The following PRTG variants were observed in gnomAD, a reference collection of about 807,000 sequenced individuals.
PRTG encodes immunoglobulin superfamily, DCC subclass, member 5.
Under a neutral mutation model 122.5 loss-of-function variants are expected in PRTG, and 67 were observed. That is an observed-to-expected ratio of 0.55 (90% confidence interval 0.45 to 0.67). The LOEUF is 0.67. Among genes scored for constraint, PRTG ranks in the 30% least tolerant of loss-of-function variants. PRTG has a pLI of 0.00. For missense variants in PRTG, 1,435 were observed against 1,415.4 expected (o/e 1.01, Z -0.22); for synonymous variants, 554 against 501.1 (o/e 1.11, Z -1.41).
chr15:55,659,667 T>C (rs533368810), intron 11 of PRTG, among the ~76,000 whole-genome samples: 4 of 152,314 alleles, frequency 2.6e-5, no homozygotes, highest in Admixed American at 6.5e-5. Context: ...GGTTCACGCC[T>C]GTAATCCTAG....
At chr15:55,635,844 G>A (rs1055324719) in intron 15 of PRTG, among the ~76,000 whole-genome samples, 1 of 152,132 alleles carries the variant, frequency 6.6e-6, no homozygotes, top group Non-Finnish European at 1.5e-5. Context: ...GTACTGTACA[G>A]TGTATAGAAT....
intron 2 of PRTG, among the ~76,000 whole-genome samples, chr15:55,720,782 A>G (rs1417655595): frequency 6.6e-6 from 1 of 152,204 alleles, no homozygotes. Flanking sequence ...ACACGCTAAC[A>G]CTAATGATAG....
intron 13 of PRTG, among the ~76,000 whole-genome samples, chr15:55,639,040 T>G (rs1307528293): frequency 6.6e-6 from 1 of 152,160 alleles, no homozygotes; most frequent in Non-Finnish European, 1.5e-5. Flanking sequence ...AGTGGGATCA[T>G]AGCTCACTGC....
At chr15:55,637,815 C>G (rs921383270) in intron 14 of PRTG, among the ~76,000 whole-genome samples, 3 of 152,022 alleles carry the variant, frequency 2.0e-5, no homozygotes, top group Non-Finnish European at 4.4e-5. Context: ...ACAGGGCAGA[C>G]TTACATCTAA....
At position 55,678,054 on chromosome 15, in the gene PRTG, GA is replaced by G. The variant is rs759536800; in HGVS notation, c.1134-11del. On this transcript the variant is annotated splice_polypyrimidine_tract_variant and intron_variant, in intron 7 of 19. Coordinates refer to ENST00000389286, the MANE Select transcript of PRTG (RefSeq NM_173814.6). Reference sequence around the variant, plus strand: ...GTTAATTACCAATTTACTAGGGAAAGAAAAAAAATTATTTCCATGAAAAATT... The same window carrying G: ...GTTAATTACCAATTTACTAGGGAAAGAAAAAAATTATTTCCATGAAAAATT... 6.2e-5 allele frequency: 93 copies of G among 1,504,074 alleles called. No homozygotes were observed. Among genetic ancestry groups the G allele is most frequent in the Admixed American group, 1.1e-4 (6 of 53,488 alleles). The allele number at this position is 1,504,074 out of a possible 1,614,324, so 93.2% of individuals were successfully genotyped here. A position where few individuals can be genotyped will look rare whatever the true frequency, so the allele number is the denominator to read the frequency against.
intron 2 of PRTG, among the ~76,000 whole-genome samples, chr15:55,694,171 T>C (rs2059619889): frequency 1.3e-5 from 2 of 152,346 alleles, no homozygotes; most frequent in African/African-American, 2.4e-5. Flanking sequence ...TAAGTTCAGA[T>C]CTCCAGTGGC....
intron 2 of PRTG, among the ~76,000 whole-genome samples, chr15:55,713,532 C>T (rs1318387633): frequency 6.6e-6 from 1 of 152,182 alleles, no homozygotes; most frequent in African/African-American, 2.4e-5. Context: ...TGCCAAATTA[C>T]TCTCTAAAAT....
intron 2 of PRTG, among the ~76,000 whole-genome samples, chr15:55,711,334 C>A (rs142335734): frequency 1.2e-4 from 18 of 152,244 alleles, no homozygotes; most frequent in African/African-American, 4.1e-4. Flanking sequence ...CAAATATGTT[C>A]TTCTCCATCT....
intron 11 of PRTG, among the ~76,000 whole-genome samples, chr15:55,644,791 G>GA (rs2059311262): frequency 6.6e-6 from 1 of 151,958 alleles, no homozygotes; most frequent in Non-Finnish European, 1.5e-5. Flanking sequence ...CACACTCCCA[G>GA]AATAAATTCT....
intron 16 of PRTG, 26 bp from the exon 17 acceptor site, chr15:55,627,154 G>C: frequency 6.7e-7 from 1 of 1,491,468 alleles, no homozygotes; most frequent in Non-Finnish European, 9.1e-7. Context: ...CATTTACTCA[G>C]AATCAATCAG....
intron 2 of PRTG, 132 bp from the exon 3 acceptor site, chr15:55,684,063 G>A (rs1485394680): frequency 6.5e-6 from 4 of 613,322 alleles, no homozygotes; most frequent in Non-Finnish European, 1.0e-5. Context: ...TAACCAGCAT[G>A]AAGATAATTT....
chr15:55,688,956 C>T (rs2059585562), intron 2 of PRTG, among the ~76,000 whole-genome samples: 1 of 152,202 alleles, frequency 6.6e-6, no homozygotes, highest in South Asian at 2.1e-4. Context: ...AATTACTCAC[C>T]TAAGCTAGAG....
chr15:55,677,293 T>C (rs567756808), intron 8 of PRTG, among the ~76,000 whole-genome samples: 4 of 152,208 alleles, frequency 2.6e-5, no homozygotes, highest in Non-Finnish European at 5.9e-5. Flanking sequence ...GAGGGTTCTA[T>C]ATGATTTCAG....
chr15:55,634,062 G>A (rs1469620884), intron 15 of PRTG, among the ~76,000 whole-genome samples: 1 of 98,080 alleles, frequency 1.0e-5, no homozygotes, highest in Admixed American at 1.4e-4. Context: ...AATATACATT[G>A]CTTTTTTTTT....
At position 55,614,008 on chromosome 15, in the gene PRTG, T is replaced by C. The variant is rs1226026527; in HGVS notation, c.*6004A>G. The C allele has an allele frequency of 6.6e-6, 1 of 152,122 alleles. No homozygotes were observed. Among genetic ancestry groups the C allele is most frequent in the East Asian group, 1.9e-4 (1 of 5,198 alleles). The allele number at this position is 152,122 out of a possible 1,614,324, so 9.4% of individuals were successfully genotyped here. The stretch of plus-strand genomic sequence containing the variant: ...TGTAGATGCTCAACAAATGGCATCA[T>C]ATTACTTCCTAGAGTCGGGAGAAGT... On this transcript the variant is annotated 3_prime_UTR_variant, in exon 20 of 20. Coordinates refer to ENST00000389286, the MANE Select transcript of PRTG (RefSeq NM_173814.6).
chr15:55,705,535 C>T (rs749893247), intron 2 of PRTG, among the ~76,000 whole-genome samples: 2 of 152,178 alleles, frequency 1.3e-5, no homozygotes, highest in Non-Finnish European at 2.9e-5. Context: ...CTCACTACAG[C>T]TTCCACTTCC....
intron 2 of PRTG, among the ~76,000 whole-genome samples, chr15:55,688,912 G>T (rs1228069626): frequency 1.3e-5 from 2 of 152,190 alleles, no homozygotes; most frequent in Admixed American, 6.5e-5. Context: ...TTCCAAAGCT[G>T]TATCTCTGCT....
chr15:55,721,823 TG>T (rs1283614995), intron 2 of PRTG, among the ~76,000 whole-genome samples: 1 of 152,134 alleles, frequency 6.6e-6, no homozygotes, highest in African/African-American at 2.4e-5. Context: ...GCTGAGCAAA[TG>T]GGGAAGCCCT....
intron 2 of PRTG, among the ~76,000 whole-genome samples, chr15:55,732,627 T>C (rs192170862): frequency 3.9e-4 from 59 of 151,630 alleles, no homozygotes; most frequent in Middle Eastern, 6.8e-3. Flanking sequence ...CCCGAGTAGC[T>C]AGGATTAAAG....
Sources: allele counts gnomAD v4.1 joint callset (sites outside exome capture counted in the v4.1 genomes callset), GRCh38; gene constraint gnomAD v4.1.1; transcripts MANE v1.5; gene names NCBI Gene and HGNC (gene_info 2026-07-23, HGNC 2026-07-21).